The following LOC400499 variants were observed in gnomAD, a reference collection of about 807,000 sequenced individuals.
chr16:11,402,896 G>C, the LOC400499 span, among the ~76,000 whole-genome samples: 4 of 152,140 alleles, frequency 2.6e-5, no homozygotes, highest in African/African-American at 9.7e-5. Context: ...GGCCTCACAT[G>C]CACAGGTGCC....
chr16:11,415,308 T>C, the LOC400499 span, among the ~76,000 whole-genome samples: 1 of 152,216 alleles, frequency 6.6e-6, no homozygotes, highest in Non-Finnish European at 1.5e-5. Context: ...GCCGATTCTG[T>C]ATCAGATGCC....
the LOC400499 span, chr16:11,478,547 C>T: frequency 5.8e-5 from 23 of 399,004 alleles, no homozygotes; most frequent in South Asian, 5.1e-4. Context: ...AGCTTGATGG[C>T]GAGCTCGGCC....
chr16:11,417,403 T>A, the LOC400499 span, among the ~76,000 whole-genome samples: 2 of 152,132 alleles, frequency 1.3e-5, no homozygotes, highest in African/African-American at 4.8e-5. Context: ...ATTTCTATGT[T>A]TTAAGCCATC....
chr16:11,504,240 G>A, the LOC400499 span, among the ~76,000 whole-genome samples: 1 of 152,192 alleles, frequency 6.6e-6, no homozygotes, highest in Non-Finnish European at 1.5e-5. Flanking sequence ...TGGAGGCAAA[G>A]GGTCCAAGGC....
chr16:11,450,480 G>A, the LOC400499 span: 2 of 829,828 alleles, frequency 2.4e-6, no homozygotes, highest in South Asian at 3.6e-5. Flanking sequence ...CAGGCACTGG[G>A]AGGGCCAGAC....
the LOC400499 span, chr16:11,473,116 AAAATAAATAAAT>A: frequency 6.7e-6 from 1 of 148,200 alleles, no homozygotes; most frequent in African/African-American, 2.5e-5. Context: ...ACGCTATCTC[AAAATAAATAAAT>A]AAATAAATAA....
chr16:11,400,628 A>G, the LOC400499 span, among the ~76,000 whole-genome samples: 16 of 151,944 alleles, frequency 1.1e-4, no homozygotes, highest in South Asian at 2.1e-4. Context: ...TTTAGTAGAG[A>G]CAGGATTTCG....
chr16:11,519,249 G>C, the LOC400499 span, among the ~76,000 whole-genome samples: 1 of 152,142 alleles, frequency 6.6e-6, no homozygotes, highest in Non-Finnish European at 1.5e-5. Context: ...GGATTCATAG[G>C]ACTATATAGC....
At chr16:11,395,296 C>T in the LOC400499 span, among the ~76,000 whole-genome samples, 4 of 152,198 alleles carry the variant, frequency 2.6e-5, no homozygotes, top group African/African-American at 7.2e-5. Context: ...CTGGGAAAGC[C>T]TTCTGACCAC....
chr16:11,516,223 G>C, the LOC400499 span: 1 of 399,588 alleles, frequency 2.5e-6, no homozygotes, highest in African/African-American at 2.1e-5. Flanking sequence ...TCAGCACCCA[G>C]CGTGGCTCAG....
At chr16:11,478,141 T>C in the LOC400499 span, 1 of 384,538 alleles carries the variant, frequency 2.6e-6, no homozygotes. Context: ...TGGGAAACCC[T>C]GTACTAAAAA....
the LOC400499 span, chr16:11,471,241 G>A: frequency 6.5e-6 from 1 of 153,820 alleles, no homozygotes; most frequent in Non-Finnish European, 1.4e-5. Flanking sequence ...GCTGATGACA[G>A]AGGGGTAAGT....
the LOC400499 span, among the ~76,000 whole-genome samples, chr16:11,435,439 G>C: frequency 6.6e-6 from 1 of 152,064 alleles, no homozygotes; most frequent in Non-Finnish European, 1.5e-5. Flanking sequence ...CATCTACAAC[G>C]AACACTCTCA....
the LOC400499 span, among the ~76,000 whole-genome samples, chr16:11,466,508 C>G: frequency 6.6e-6 from 1 of 152,052 alleles, no homozygotes; most frequent in Non-Finnish European, 1.5e-5. Flanking sequence ...CCTGCCTCAG[C>G]CTCCCAAGTA....
chr16:11,409,136 C>T, the LOC400499 span, among the ~76,000 whole-genome samples: 1 of 151,890 alleles, frequency 6.6e-6, no homozygotes, highest in Non-Finnish European at 1.5e-5. Flanking sequence ...TAGTGCATGC[C>T]TGTAATCCCA....
the LOC400499 span, among the ~76,000 whole-genome samples, chr16:11,412,466 C>G: frequency 6.6e-6 from 1 of 152,228 alleles, no homozygotes; most frequent in Admixed American, 6.5e-5. Context: ...TACTCACCCC[C>G]TCCCTCACTG....
At chr16:11,501,334 T>C in the LOC400499 span, among the ~76,000 whole-genome samples, 1 of 152,076 alleles carries the variant, frequency 6.6e-6, no homozygotes, top group Non-Finnish European at 1.5e-5. Flanking sequence ...AAACCTCGAA[T>C]ACTCAGCACA....
At chr16:11,417,808 C>T in the LOC400499 span, 12 of 398,770 alleles carry the variant, frequency 3.0e-5, no homozygotes, top group Admixed American at 1.8e-4. Context: ...ATGCTCGAAG[C>T]CGGAGCTGCC....
chr16:11,509,137 G>C, the LOC400499 span, among the ~76,000 whole-genome samples: 5 of 43,498 alleles, frequency 1.1e-4, no homozygotes, highest in African/African-American at 4.2e-4. Flanking sequence ...TTTTTTTTTT[G>C]AGACGGAGTC....
Sources: allele counts gnomAD v4.1 joint callset (sites outside exome capture counted in the v4.1 genomes callset), GRCh38; gene constraint gnomAD v4.1.1; transcripts MANE v1.5.